The following DGKI variants were observed in gnomAD, a reference collection of about 807,000 sequenced individuals.
DGKI encodes the protein DAG kinase iota.
In DGKI, 55 loss-of-function variants were observed where a neutral mutation model predicts 147.5. That is an observed-to-expected ratio of 0.37 (90% CI 0.30 to 0.47). The LOEUF is 0.47. DGKI is among the 20% of genes least tolerant of loss of function. The probability of loss-of-function intolerance (pLI) is 1.00; values close to 1 mark genes in which losing one functional copy is unlikely to be tolerated. For missense variants in DGKI, 1,007 were observed against 1,323.8 expected, an observed-to-expected ratio of 0.76 and a Z score of 3.71; for synonymous variants, 469 against 477.1, an observed-to-expected ratio of 0.98 and a Z score of 0.22.
At chr7:137,418,191 G>C (rs1408796735) in intron 28 of DGKI, among the ~76,000 whole-genome samples, 1 of 152,174 alleles carries the variant, frequency 6.6e-6, no homozygotes, top group East Asian at 1.9e-4. Flanking sequence ...TTTAAGTCCT[G>C]TGAGTATCAC....
At position 137,740,565 on chromosome 7, in the gene DGKI, A is replaced by C. The variant is rs1360099553; in HGVS notation, c.402-50563T>G. On this transcript the variant is annotated intron_variant, in intron 1 of 32. Coordinates refer to ENST00000614521, the MANE Select transcript of DGKI (RefSeq NM_001321708.2). ...CAGAGAATCAGAGGTCGTCTGCAAG[A>C]AATGGAGACTAGAAATTAGCCAGAC... is the stretch of plus-strand genomic sequence containing the variant. Among the ~76,000 whole-genome samples the C allele has an allele frequency of 2.0e-5, 3 of 152,312 alleles. No individual in the cohort carries two copies. The East Asian group carries it at 5.8e-4, about 29-fold the overall frequency.
chr7:137,597,240 C>T (rs1054324319), intron 12 of DGKI, among the ~76,000 whole-genome samples: 10 of 152,042 alleles, frequency 6.6e-5, no homozygotes, highest in African/African-American at 2.4e-4. Context: ...GAAAAGAGAA[C>T]TTGAAATGTT....
intron 19 of DGKI, among the ~76,000 whole-genome samples, chr7:137,557,538 T>C (rs909745966): frequency 2.0e-5 from 3 of 152,234 alleles, no homozygotes; most frequent in African/African-American, 7.2e-5. Context: ...ATCAGTATTC[T>C]ACCTCACGTC....
intron 1 of DGKI, among the ~76,000 whole-genome samples, chr7:137,705,862 T>C (rs951381603): frequency 4.6e-5 from 7 of 152,066 alleles, no homozygotes; most frequent in Non-Finnish European, 1.0e-4. Flanking sequence ...AAATTAAATA[T>C]GGAACATGCA....
chr7:137,683,388 GTTTT>G (rs2116419062), intron 2 of DGKI, among the ~76,000 whole-genome samples: 1 of 151,650 alleles, frequency 6.6e-6, no homozygotes, highest in African/African-American at 2.4e-5. Flanking sequence ...TTGTTTGTTT[GTTTT>G]TGAGACAGGG....
chr7:137,843,919 T>G (rs1798632955), intron 1 of DGKI, among the ~76,000 whole-genome samples: 1 of 151,962 alleles, frequency 6.6e-6, no homozygotes, highest in Admixed American at 6.6e-5. Flanking sequence ...ATGATCCCCC[T>G]CACGCAAGCA....
At chr7:137,411,195 C>A (rs959894830) in intron 29 of DGKI, among the ~76,000 whole-genome samples, 3 of 152,208 alleles carry the variant, frequency 2.0e-5, no homozygotes, top group African/African-American at 7.2e-5. Context: ...GTAGCCTCTG[C>A]CTTCAGGCAG....
chr7:137,659,670 T>C (rs184748640), intron 3 of DGKI, among the ~76,000 whole-genome samples: 1,838 of 152,370 alleles, frequency 0.012, 38 homozygotes, highest in African/African-American at 0.039. Context: ...CAGTGGCTCA[T>C]GCCTGTAATC....
At chr7:137,759,081 C>T (rs191459944) in intron 1 of DGKI, among the ~76,000 whole-genome samples, 134 of 152,174 alleles carry the variant, frequency 8.8e-4, no homozygotes, top group African/African-American at 3.2e-3. Context: ...ACATTGTACC[C>T]AACAGGTAAT....
chr7:137,587,469 C>G (rs758930638), intron 12 of DGKI, among the ~76,000 whole-genome samples: 18 of 152,290 alleles, frequency 1.2e-4, no homozygotes, highest in Non-Finnish European at 2.5e-4. Context: ...GTGCGTTTAA[C>G]TAGAAACACC....
rs773618868 is a variant in DGKI, at chr7:137,846,591, C to T, written c.272G>A (p.Gly91Asp). 7.7e-5 allele frequency: 90 copies of T among 1,168,196 alleles called. No individual in the cohort carries two copies. The highest frequency in any genetic ancestry group is 7.7e-5 in the Non-Finnish European group (73 of 950,648). 72.4% of individuals were successfully genotyped at this position (1,168,196 alleles called of 1,614,324 possible). ...CCCCGCCGCCGCGGCTGACCCTGCG[C>T]CCCGCGGGTCCGCGCCGCCCTCGGC... ...LGAEGGADPRGAGSAAAAGAA... is the reference protein window; with the variant it reads ...LGAEGGADPRDAGSAAAAGAA... The change falls in exon 1 of 33, where the codon GGC becomes GAC. Residue 91 changes from glycine (G) to aspartate (D), a missense_variant. Physicochemically the swap from Gly to Asp is moderately conservative, Grantham distance 94. This residue lies in a region of DGKI where 137 missense variants were observed against 114.4 expected (regional missense o/e 1.20). Coordinates refer to ENST00000614521, the MANE Select transcript of DGKI (RefSeq NM_001321708.2). This position sits in a 1 kb window ranked among gnomAD's most constrained non-coding sequence, Gnocchi z 4.0.
Position 137,846,161 on chromosome 7 carries a change from T to TCTCTCTCTCTCTCA in DGKI, c.401+300_401+301insTGAGAGAGAGAGAG, listed in dbSNP as rs781580130. Among the ~76,000 whole-genome samples the TCTCTCTCTCTCTCA allele has an allele frequency of 2.6e-3, 285 of 108,178 alleles. 2 individuals are homozygous for TCTCTCTCTCTCTCA. The highest frequency in any genetic ancestry group is 0.014 in the East Asian group (49 of 3,566). The allele number at this position is 108,178 out of a possible 152,430, so 71.0% of individuals were successfully genotyped here. ...CTCTCTCTCTCTCTCTCTCTCTCTCTCACACACACACACACACACACACAC... is the reference window on the plus strand; with the variant it reads ...CTCTCTCTCTCTCTCTCTCTCTCTCTCTCTCTCTCTCTCACACACACACACACACACACACACAC... On this transcript the variant is annotated intron_variant, in intron 1 of 32. Coordinates refer to ENST00000614521, the MANE Select transcript of DGKI (RefSeq NM_001321708.2). This position sits in a 1 kb window ranked among gnomAD's most constrained non-coding sequence, Gnocchi z 4.0.
chr7:137,430,392 T>G (rs1813015736), intron 28 of DGKI, among the ~76,000 whole-genome samples: 1 of 105,520 alleles, frequency 9.5e-6, no homozygotes, highest in Non-Finnish European at 1.8e-5. Flanking sequence ...CATCACACTC[T>G]GGGGACTATT....
chr7:137,583,677 G>T (rs1254544268), intron 14 of DGKI, among the ~76,000 whole-genome samples: 1 of 152,144 alleles, frequency 6.6e-6, no homozygotes, highest in Non-Finnish European at 1.5e-5. Context: ...GTTGGAAAGA[G>T]AATTAAATAT....
Position 137,444,114 on chromosome 7 carries a change from T to C in DGKI, c.2736-12A>G, listed in dbSNP as rs745335122. ...AAGAGACTGGTGACCTAAAAGGAAA[T>C]AATAAGCATGATCAATATTTTATAT... On this transcript the variant is annotated splice_polypyrimidine_tract_variant and intron_variant, in intron 27 of 32. Transcript: ENST00000614521. The C allele has an allele frequency of 1.4e-6, 2 of 1,436,056 alleles. No homozygotes were observed. The highest frequency in any genetic ancestry group is 1.9e-6 in the Non-Finnish European group (2 of 1,044,708). 89.0% of individuals were successfully genotyped at this position (1,436,056 alleles called of 1,614,324 possible). A position where few individuals can be genotyped will look rare whatever the true frequency, so the allele number is the denominator to read the frequency against.
At chr7:137,430,407 C>T (rs569681343) in intron 28 of DGKI, among the ~76,000 whole-genome samples, 10 of 54,488 alleles carry the variant, frequency 1.8e-4, no homozygotes, top group South Asian at 4.9e-4. Context: ...ACTATTGTGG[C>T]GTGGGGGGAG....
chr7:137,404,396 T>C (rs1811865736), intron 30 of DGKI, among the ~76,000 whole-genome samples: 1 of 152,234 alleles, frequency 6.6e-6, no homozygotes, highest in Non-Finnish European at 1.5e-5. Context: ...TCTATCAATG[T>C]TGATAAAAAC....
At chr7:137,651,074 T>G (rs2129010569) in intron 5 of DGKI, among the ~76,000 whole-genome samples, 1 of 152,338 alleles carries the variant, frequency 6.6e-6, no homozygotes, top group East Asian at 1.9e-4. Flanking sequence ...TGGAAACCAC[T>G]GGAGAGTTTT....
chr7:137,638,593 T>C (rs184062080), intron 6 of DGKI, among the ~76,000 whole-genome samples: 56 of 50,888 alleles, frequency 1.1e-3, no homozygotes, highest in African/African-American at 4.7e-3. Flanking sequence ...TACACATATA[T>C]ACATATATGT....
Sources: allele counts gnomAD v4.1 joint callset (sites outside exome capture counted in the v4.1 genomes callset), GRCh38; gene constraint gnomAD v4.1.1; regional missense constraint gnomAD v4.1.1; non-coding constraint Gnocchi (gnomAD v3.1); transcripts MANE v1.5; gene names NCBI Gene and HGNC (gene_info 2026-07-23, HGNC 2026-07-21).